The following PLXDC2 variants were observed in gnomAD, a reference collection of about 807,000 sequenced individuals.
PLXDC2 encodes plexin domain-containing protein 2.
A neutral mutation model predicts 68.9 loss-of-function variants in PLXDC2; 40 were observed. The observed-to-expected ratio is 0.58, with a 90% CI of 0.45 to 0.76. The LOEUF (loss-of-function observed/expected upper bound fraction) is 0.76. Ranked by LOEUF, PLXDC2 falls within the 30% of genes least tolerant of loss-of-function variation. PLXDC2 has a pLI of 0.00. For synonymous variants in PLXDC2, 243 were observed against 234.2 expected (o/e 1.04, Z -0.34); for missense variants, 644 against 661.9 (o/e 0.97, Z 0.30).
chr10:19,996,868 A>G (rs1834853237), intron 1 of PLXDC2, among the ~76,000 whole-genome samples: 1 of 152,042 alleles, frequency 6.6e-6, no homozygotes, highest in African/African-American at 2.4e-5. Flanking sequence ...CCCTTATAGA[A>G]CCATCAGATC....
chr10:20,137,564 G>T (rs1407619383), intron 4 of PLXDC2, among the ~76,000 whole-genome samples: 1 of 152,182 alleles, frequency 6.6e-6, no homozygotes, highest in Non-Finnish European at 1.5e-5. Context: ...GATTTGAGGT[G>T]GCCACCACCC....
intron 7 of PLXDC2, 104 bp downstream of exon 7, chr10:20,164,671 A>C: frequency 2.4e-6 from 2 of 831,964 alleles, no homozygotes; most frequent in South Asian, 1.5e-5. Flanking sequence ...AAAATAGCTA[A>C]TCGATTAGCT....
At position 20,049,162 on chromosome 10, in the gene PLXDC2, C is replaced by A. The variant is rs751563746; in HGVS notation, c.471+2147C>A. The stretch of plus-strand genomic sequence containing the variant: ...AAAAGCTATCAACAAAATTCAACAC[C>A]CTTCATGTTAAAAACACTCAAGAAA... On this transcript the variant is annotated intron_variant, in intron 3 of 13. Coordinates refer to ENST00000377252, the MANE Select transcript of PLXDC2 (RefSeq NM_032812.9). 3.3e-5 allele frequency among the ~76,000 whole-genome samples: 5 copies of A among 152,064 alleles called. No individual in the cohort carries two copies. The Middle Eastern group carries it at 0.01, about 310-fold the overall frequency.
Position 19,827,347 on chromosome 10 carries a change from A to T in PLXDC2, c.112+10156A>T, listed in dbSNP as rs1243071583. 3.9e-5 allele frequency among the ~76,000 whole-genome samples: 6 copies of T among 152,302 alleles called. No individual in the cohort carries two copies. The East Asian group carries it at 1.2e-3, about 29-fold the overall frequency. On this transcript the variant is annotated intron_variant, in intron 1 of 13. Transcript: ENST00000377252. ...TTGCTCTTCAGAAGCTGGCTATTTC[A>T]GGAGGTTCTTTCCTTTTCCAGAGCC...
intron 1 of PLXDC2, among the ~76,000 whole-genome samples, chr10:19,900,163 AT>A (rs1838133439): frequency 6.6e-6 from 1 of 152,224 alleles, no homozygotes; most frequent in Admixed American, 6.5e-5. Context: ...ATTTTCATCA[AT>A]CCACAAAGGA....
intron 1 of PLXDC2, among the ~76,000 whole-genome samples, chr10:19,890,576 C>T (rs1042066144): frequency 7.4e-5 from 11 of 148,716 alleles, no homozygotes; most frequent in South Asian, 2.1e-4. Flanking sequence ...AGGGTTTCAC[C>T]GCGTTAGCCA....
intron 2 of PLXDC2, among the ~76,000 whole-genome samples, chr10:20,007,790 T>C (rs1412474821): frequency 6.6e-6 from 1 of 152,228 alleles, no homozygotes; most frequent in Non-Finnish European, 1.5e-5. Flanking sequence ...GGCCACACTT[T>C]GGGTTGCAAG....
At chr10:20,086,695 C>T (rs919345116) in intron 4 of PLXDC2, among the ~76,000 whole-genome samples, 9 of 152,142 alleles carry the variant, frequency 5.9e-5, no homozygotes, top group Admixed American at 1.3e-4. Flanking sequence ...TTTTTCCTCC[C>T]CTTCGAGAAC....
intron 13 of PLXDC2, among the ~76,000 whole-genome samples, chr10:20,265,526 A>G (rs1286957276): frequency 1.3e-5 from 2 of 152,224 alleles, no homozygotes; most frequent in East Asian, 3.9e-4. Context: ...ATTTACACAT[A>G]TACATGCACA....
chr10:19,966,498 A>C (rs951066436), intron 1 of PLXDC2, among the ~76,000 whole-genome samples: 2 of 137,902 alleles, frequency 1.5e-5, no homozygotes, highest in African/African-American at 5.3e-5. Flanking sequence ...CAGCTGTATG[A>C]TATAGATATA....
intron 4 of PLXDC2, among the ~76,000 whole-genome samples, chr10:20,080,345 C>T (rs989321822): frequency 3.5e-5 from 5 of 144,904 alleles, no homozygotes; most frequent in East Asian, 2.1e-4. Context: ...GATCAAAAGG[C>T]GAAGTCCCCC....
chr10:20,223,067 T>A (rs1835236116), intron 12 of PLXDC2, among the ~76,000 whole-genome samples: 1 of 152,138 alleles, frequency 6.6e-6, no homozygotes, highest in South Asian at 2.1e-4. Context: ...GTTTATTGAA[T>A]TGAATGGTTG....
intron 4 of PLXDC2, among the ~76,000 whole-genome samples, chr10:20,097,537 G>A (rs545599164): frequency 5.9e-5 from 9 of 151,912 alleles, no homozygotes; most frequent in East Asian, 5.8e-4. Flanking sequence ...TACCTTTTGC[G>A]CTTTGCATGA....
At chr10:19,855,558 G>T (rs1273181761) in intron 1 of PLXDC2, among the ~76,000 whole-genome samples, 1 of 152,056 alleles carries the variant, frequency 6.6e-6, no homozygotes, top group Non-Finnish European at 1.5e-5. Flanking sequence ...ATATTTTTCA[G>T]ATTTTGGAAT....
At chr10:20,026,443 G>A (rs1039408252) in intron 2 of PLXDC2, among the ~76,000 whole-genome samples, 3 of 152,086 alleles carry the variant, frequency 2.0e-5, no homozygotes, top group Non-Finnish European at 4.4e-5. Flanking sequence ...ATTTAATCAT[G>A]TGATTTATCT....
chr10:20,014,370 CCTTCCTTCCTTG>C lies in PLXDC2; in HGVS notation c.324+12396_324+12407del, dbSNP rs1335929980. On this transcript the variant is annotated intron_variant, in intron 2 of 13. Transcript: ENST00000377252. ...CCTCCTTCCCTTTCCTTCCTTCCTT[CCTTCCTTCCTTG>C]CTTCCTTCCTTCCTTCCTTCCTTCC... is the stretch of plus-strand genomic sequence containing the variant. Among the ~76,000 whole-genome samples, 217 of 71,326 alleles carry C rather than the reference CCTTCCTTCCTTG, an allele frequency of 3.0e-3. 1 individual carries two copies. The highest frequency in any genetic ancestry group is 7.7e-3 in the African/African-American group (167 of 21,704). 46.8% of individuals were successfully genotyped at this position (71,326 alleles called of 152,430 possible).
chr10:20,083,732 A>G (rs1349975566), intron 4 of PLXDC2, among the ~76,000 whole-genome samples: 1 of 152,144 alleles, frequency 6.6e-6, no homozygotes, highest in Non-Finnish European at 1.5e-5. Context: ...TTGCTGATAA[A>G]ATTGCCTATT....
chr10:19,928,483 CTG>C (rs1163960260), intron 1 of PLXDC2, among the ~76,000 whole-genome samples: 2 of 152,060 alleles, frequency 1.3e-5, no homozygotes, highest in East Asian at 3.9e-4. Context: ...TGCAAATAAT[CTG>C]TGTTTATTGC....
At chr10:19,942,436 G>A (rs897307636) in intron 1 of PLXDC2, among the ~76,000 whole-genome samples, 3 of 152,102 alleles carry the variant, frequency 2.0e-5, no homozygotes, top group Non-Finnish European at 2.9e-5. Flanking sequence ...TAGTTACTAT[G>A]TACTATCTTA....
Sources: gnomAD v4.1 joint callset for allele counts (sites outside exome capture counted in the v4.1 genomes callset) on GRCh38, gnomAD v4.1.1 for gene constraint, MANE v1.5 for transcripts, NCBI Gene and HGNC (gene_info 2026-07-23, HGNC 2026-07-21) for gene names.